The following RIDA variants were observed in gnomAD, a reference collection of about 807,000 sequenced individuals.
RIDA encodes reactive intermediate imine deaminase A.
RIDA carries 17 observed loss-of-function variants against 17.8 expected under a neutral mutation model. The ratio of observed to expected loss-of-function variants is 0.96; its 90% CI spans 0.65 to 1.43. The LOEUF is 1.43. Among genes scored for constraint, RIDA ranks in the 40% most tolerant of loss-of-function variants. The pLI is 0.00. For missense variants in RIDA, 158 were observed against 161.7 expected, an observed-to-expected ratio of 0.98 and a Z score of 0.12; for synonymous variants, 48 against 55.7, an observed-to-expected ratio of 0.86 and a Z score of 0.62.
chr8:98,104,144 C>T (rs1333643514), intron 5 of RIDA, among the ~76,000 whole-genome samples: 4 of 146,646 alleles, frequency 2.7e-5, no homozygotes, highest in African/African-American at 1.0e-4. Flanking sequence ...CACAGTGGTT[C>T]GATTATAGCT....
In RIDA at chr8:98,104,527, G is replaced by T; in HGVS notation, c.313C>A (p.Pro105Thr). 6.3e-7 allele frequency: 1 copy of T among 1,587,712 alleles called. No homozygotes were observed. Among genetic ancestry groups the T allele is most frequent in the Non-Finnish European group, 8.6e-7 (1 of 1,157,240 alleles). ...IYKQYFKSNF[P>T]ARAAYQVAAL... ...GCAACTTGGTAAGCAGCTCTAGCAG[G>T]AAAATTACTCTTGAAATCTGAATTT... The change falls in exon 5 of 6, where the codon CCT becomes ACT. Residue 105 changes from proline to threonine, a missense_variant. Physicochemically the swap from Pro to Thr is conservative, Grantham distance 38. Coordinates refer to ENST00000254878, the MANE Select transcript of RIDA (RefSeq NM_005836.3).
intron 1 of RIDA, 60 bp downstream of exon 1, chr8:98,116,972 A>C (rs1586219922): frequency 7.0e-7 from 1 of 1,431,292 alleles, no homozygotes; most frequent in Non-Finnish European, 9.8e-7. Context: ...AGTGGCCCCA[A>C]CCCCGAATCC....
intron 1 of RIDA, among the ~76,000 whole-genome samples, chr8:98,110,140 A>G (rs1448303044): frequency 6.6e-6 from 1 of 152,234 alleles, no homozygotes; most frequent in Non-Finnish European, 1.5e-5. Context: ...GCCAGGGGTG[A>G]TCATAAATGG....
chr8:98,115,112 G>C (rs559210593), intron 1 of RIDA, among the ~76,000 whole-genome samples: 13 of 152,204 alleles, frequency 8.5e-5, no homozygotes, highest in African/African-American at 2.4e-4. Context: ...TGCTGGCCAG[G>C]CATGGTGGCT....
chr8:98,111,764 C>T lies in RIDA; in HGVS notation c.66-3013G>A, dbSNP rs115959689. Among the ~76,000 whole-genome samples the T allele has an allele frequency of 2.4e-3, 359 of 152,128 alleles. 1 individual carries two copies. Among genetic ancestry groups the T allele is most frequent in the African/African-American group, 8.3e-3 (344 of 41,516 alleles). ...TTTTATTTCATGAAGTTTTCCTGGT[C>T]TTCTTGACCACATCTTTTTTTTCCC... On this transcript the variant is annotated intron_variant, in intron 1 of 5. Transcript: ENST00000254878.
At chr8:98,109,220 G>A (rs1057330332) in intron 1 of RIDA, among the ~76,000 whole-genome samples, 2 of 152,028 alleles carry the variant, frequency 1.3e-5, no homozygotes, top group African/African-American at 4.8e-5. Context: ...GGGGTCGGGG[G>A]AAGAAAAGGC....
intron 1 of RIDA, among the ~76,000 whole-genome samples, chr8:98,114,046 T>C (rs1271401552): frequency 6.6e-6 from 1 of 152,102 alleles, no homozygotes; most frequent in Non-Finnish European, 1.5e-5. Flanking sequence ...ATACAAAAAT[T>C]ATCTGGGCAT....
chr8:98,113,371 G>A (rs1234402915), intron 1 of RIDA, among the ~76,000 whole-genome samples: 5 of 152,110 alleles, frequency 3.3e-5, no homozygotes, highest in African/African-American at 4.8e-5. Flanking sequence ...CACACTCCAC[G>A]CACAAAAACT....
intron 5 of RIDA, among the ~76,000 whole-genome samples, chr8:98,103,419 TTGTGC>T (rs1472441619): frequency 6.6e-6 from 1 of 152,200 alleles, no homozygotes; most frequent in African/African-American, 2.4e-5. Context: ...GGCAGGAATA[TTGTGC>T]TGCTAAGCTT....
chr8:98,110,761 T>C (rs2130554078), intron 1 of RIDA, among the ~76,000 whole-genome samples: 1 of 152,254 alleles, frequency 6.6e-6, no homozygotes, highest in South Asian at 2.1e-4. Flanking sequence ...CCAAACCTCA[T>C]CTGGAATTGT....
chr8:98,104,902 G>C (rs1026429939), intron 4 of RIDA, among the ~76,000 whole-genome samples: 2 of 151,712 alleles, frequency 1.3e-5, no homozygotes, highest in Non-Finnish European at 2.9e-5. Context: ...GTAGAGTCGG[G>C]GCTTCACCAT....
rs551012199 is a variant in RIDA, at chr8:98,117,104, C to G, written c.-8G>C. On this transcript the variant is annotated 5_prime_UTR_variant, in exon 1 of 6. Transcript: ENST00000254878. ...TCTGATCAAGGACGACATGGCTAAGCCTTCCCTCTTGCAGCCCCTTCAGGA... is the reference window on the plus strand; with the variant it reads ...TCTGATCAAGGACGACATGGCTAAGGCTTCCCTCTTGCAGCCCCTTCAGGA... The G allele has an allele frequency of 6.2e-7, 1 of 1,614,086 alleles. No homozygotes were observed. Among genetic ancestry groups the G allele is most frequent in the Non-Finnish European group, 8.5e-7 (1 of 1,179,872 alleles).
At chr8:98,105,435 TA>T (rs1234066429) in intron 4 of RIDA, among the ~76,000 whole-genome samples, 1 of 152,240 alleles carries the variant, frequency 6.6e-6, no homozygotes, top group Non-Finnish European at 1.5e-5. Flanking sequence ...TCAGTGCTTA[TA>T]ACACACCAGC....
chr8:98,106,628 C>T (rs757477367), intron 2 of RIDA: 5 of 284,910 alleles, frequency 1.8e-5, no homozygotes, highest in Admixed American at 4.7e-5. Context: ...GTTCTTCATT[C>T]GATATCACGT....
At chr8:98,111,597 C>A in intron 1 of RIDA, among the ~76,000 whole-genome samples, 1 of 147,382 alleles carries the variant, frequency 6.8e-6, no homozygotes, top group East Asian at 2.0e-4. Context: ...CAGAGCAAGA[C>A]TCTGTGTCAA....
chr8:98,107,776 A>AT (rs71271200), intron 2 of RIDA, among the ~76,000 whole-genome samples: 136,569 of 148,706 alleles, frequency 0.92, 62,860 homozygotes, highest in South Asian at 0.96. Flanking sequence ...TTTTTTTTCT[A>AT]TTTTTTTTTT....
intron 5 of RIDA, 42 bp downstream of exon 5, chr8:98,104,446 GA>G (rs1815606488): frequency 8.3e-7 from 1 of 1,205,844 alleles, no homozygotes; most frequent in African/African-American, 1.5e-5. Flanking sequence ...AAACAATGTA[GA>G]AACTGAAAAC....
chr8:98,102,978 A>T lies in RIDA; in HGVS notation c.352-74T>A, dbSNP rs927216858. 3.0e-6 allele frequency: 3 copies of T among 999,014 alleles called. No homozygotes were observed. In the Admixed American group the frequency reaches 6.1e-5, roughly 20 times the overall value. The allele number at this position is 999,014 out of a possible 1,614,324, so 61.9% of individuals were successfully genotyped here. A position where few individuals can be genotyped will look rare whatever the true frequency, so the allele number is the denominator to read the frequency against. The stretch of plus-strand genomic sequence containing the variant: ...AAACTCTATAATACCTACTAAAAAC[A>T]TGCAACCAACAGCAATATAACATTT... On this transcript the variant is annotated intron_variant, in intron 5 of 5. Coordinates refer to ENST00000254878, the MANE Select transcript of RIDA (RefSeq NM_005836.3).
At chr8:98,109,698 T>C (rs1270143269) in intron 1 of RIDA, among the ~76,000 whole-genome samples, 1 of 152,102 alleles carries the variant, frequency 6.6e-6, no homozygotes, top group Non-Finnish European at 1.5e-5. Flanking sequence ...CAGGCCCAAG[T>C]GATCCTCCCA....
Sources: gnomAD v4.1 joint callset for allele counts (sites outside exome capture counted in the v4.1 genomes callset) on GRCh38, gnomAD v4.1.1 for gene constraint, MANE v1.5 for transcripts, NCBI Gene and HGNC (gene_info 2026-07-23, HGNC 2026-07-21) for gene names.